ADCY8: variants seen among roughly 807,000 people sequenced by gnomAD.
ADCY8 encodes adenylate cyclase 8, also known as adenylate cyclase type 8.
A neutral mutation model predicts 119.7 loss-of-function variants in ADCY8; 51 were observed. The ratio of observed to expected loss-of-function variants is 0.43; its 90% CI spans 0.34 to 0.54. The LOEUF (loss-of-function observed/expected upper bound fraction) is 0.54, where lower values mean the gene tolerates loss of function less well. ADCY8 is among the 20% of genes least tolerant of loss of function. The probability of loss-of-function intolerance (pLI) is 0.03; values close to 1 mark genes in which losing one functional copy is unlikely to be tolerated. For missense variants in ADCY8, 1,383 were observed against 1,598.8 expected, an observed-to-expected ratio of 0.87 and a Z score of 2.30; for synonymous variants, 665 against 651.0, an observed-to-expected ratio of 1.02 and a Z score of -0.33.
intron 7 of ADCY8, among the ~76,000 whole-genome samples, chr8:130,898,392 T>C (rs2130508910): frequency 6.6e-6 from 1 of 152,356 alleles, no homozygotes; most frequent in African/African-American, 2.4e-5. Flanking sequence ...ATGAAGTGTG[T>C]TTGCTCTCCA....
intron 1 of ADCY8, among the ~76,000 whole-genome samples, chr8:131,037,856 CTTAT>C (rs1824211499): frequency 6.6e-6 from 1 of 152,108 alleles, no homozygotes; most frequent in Admixed American, 6.5e-5. Flanking sequence ...CAGATTGAGA[CTTAT>C]TTGTTATATG....
intron 15 of ADCY8, 152 bp downstream of exon 15, chr8:130,800,274 A>T: frequency 1.1e-6 from 1 of 876,906 alleles, no homozygotes; most frequent in Non-Finnish European, 1.8e-6. Context: ...AATTGTGATA[A>T]TTAAATCAGA....
chr8:130,820,660 A>G (rs751493971), intron 13 of ADCY8, among the ~76,000 whole-genome samples: 30 of 152,128 alleles, frequency 2.0e-4, no homozygotes, highest in Non-Finnish European at 4.1e-4. Context: ...ACTCCAGGAG[A>G]CTGGACCAGA....
chr8:130,847,539 G>C lies in ADCY8; in HGVS notation c.2413-26C>G, dbSNP rs753557994. ...CTGCGGATTAAAAAAAAAAAAAAAAGAACAACAAAAACAAAAACAGGAACA... is the reference window on the plus strand; with the variant it reads ...CTGCGGATTAAAAAAAAAAAAAAAACAACAACAAAAACAAAAACAGGAACA... On this transcript the variant is annotated intron_variant, in intron 10 of 17. Coordinates refer to ENST00000286355, the MANE Select transcript of ADCY8 (RefSeq NM_001115.3). 78 of 1,211,334 alleles carry C rather than the reference G, an allele frequency of 6.4e-5. No homozygotes were observed. The South Asian group carries it at 8.8e-4, about 14-fold the overall frequency. The allele number at this position is 1,211,334 out of a possible 1,614,324, so 75.0% of individuals were successfully genotyped here. A position where few individuals can be genotyped will look rare whatever the true frequency, so the allele number is the denominator to read the frequency against.
intron 2 of ADCY8, among the ~76,000 whole-genome samples, chr8:130,959,240 T>C (rs1177055278): frequency 1.3e-5 from 2 of 152,254 alleles, no homozygotes; most frequent in Non-Finnish European, 2.9e-5. Flanking sequence ...AACTGTCTTA[T>C]GGAAGACATT....
intron 2 of ADCY8, among the ~76,000 whole-genome samples, chr8:130,965,182 A>G (rs1024731367): frequency 6.6e-6 from 1 of 152,176 alleles, no homozygotes; most frequent in Admixed American, 6.5e-5. Context: ...CTTTAGTTTA[A>G]TTAGGTCCCA....
chr8:130,781,894 C>T (rs1815090959), intron 17 of ADCY8, among the ~76,000 whole-genome samples: 1 of 152,056 alleles, frequency 6.6e-6, no homozygotes, highest in Non-Finnish European at 1.5e-5. Flanking sequence ...TTGCTATGAG[C>T]CAGGTACAGT....
intron 12 of ADCY8, among the ~76,000 whole-genome samples, chr8:130,833,163 G>A (rs1364590023): frequency 6.6e-6 from 1 of 152,144 alleles, no homozygotes; most frequent in Non-Finnish European, 1.5e-5. Flanking sequence ...TTGGAATATG[G>A]TGGAATGTTA....
chr8:130,780,899 CAAG>C (rs1230935901), intron 17 of ADCY8, 22 bp from the exon 18 acceptor site: 7 of 1,609,052 alleles, frequency 4.4e-6, no homozygotes, highest in Non-Finnish European at 5.9e-6. Flanking sequence ...AGCAAAGGAG[CAAG>C]AAGTCAGAGG....
intron 7 of ADCY8, among the ~76,000 whole-genome samples, chr8:130,898,868 C>T (rs78462082): frequency 1.1e-4 from 16 of 152,092 alleles, no homozygotes; most frequent in Admixed American, 2.0e-4. Flanking sequence ...ACTCTTGTCC[C>T]GACAGTCCAT....
chr8:130,844,923 G>A (rs767837500), intron 11 of ADCY8, among the ~76,000 whole-genome samples: 1 of 152,120 alleles, frequency 6.6e-6, no homozygotes, highest in Non-Finnish European at 1.5e-5. Context: ...ACAGTGGTTC[G>A]GGTATGTACA....
intron 11 of ADCY8, among the ~76,000 whole-genome samples, chr8:130,845,782 A>G (rs1466304133): frequency 6.6e-6 from 1 of 152,158 alleles, no homozygotes; most frequent in African/African-American, 2.4e-5. Flanking sequence ...CAGGGAAGAT[A>G]AAGAATAAGG....
At chr8:130,984,568 G>T (rs995923148) in intron 2 of ADCY8, among the ~76,000 whole-genome samples, 2 of 152,058 alleles carry the variant, frequency 1.3e-5, no homozygotes, top group Non-Finnish European at 2.9e-5. Flanking sequence ...TAAGGTGAGT[G>T]ACTACAGGTG....
At chr8:130,958,774 G>A (rs867848471) in intron 2 of ADCY8, among the ~76,000 whole-genome samples, 2 of 151,972 alleles carry the variant, frequency 1.3e-5, no homozygotes, top group East Asian at 1.9e-4. Flanking sequence ...AGATTTGGGT[G>A]GGGAAACAGC....
chr8:130,840,566 T>A (rs1817108007), intron 11 of ADCY8, among the ~76,000 whole-genome samples: 1 of 152,170 alleles, frequency 6.6e-6, no homozygotes, highest in South Asian at 2.1e-4. Flanking sequence ...GAAAGCAGGG[T>A]GTAAAATTAT....
At chr8:131,020,523 G>A (rs1823631872) in intron 1 of ADCY8, among the ~76,000 whole-genome samples, 1 of 152,196 alleles carries the variant, frequency 6.6e-6, no homozygotes, top group Non-Finnish European at 1.5e-5. Context: ...CCAGGAGGAG[G>A]ACAAAGTTAG....
At chr8:130,855,515 G>A (rs942511698) in intron 9 of ADCY8, among the ~76,000 whole-genome samples, 1 of 152,016 alleles carries the variant, frequency 6.6e-6, no homozygotes, top group Non-Finnish European at 1.5e-5. Context: ...TGCTGGGTGA[G>A]GGTCCAGGTC....
At chr8:130,902,143 G>T (rs1563721059) in intron 7 of ADCY8, among the ~76,000 whole-genome samples, 3 of 152,020 alleles carry the variant, frequency 2.0e-5, no homozygotes, top group Non-Finnish European at 4.4e-5. Flanking sequence ...CAAAAATAAA[G>T]ACAAAACAAA....
chr8:130,983,496 G>A (rs959016600), intron 2 of ADCY8, among the ~76,000 whole-genome samples: 3 of 152,122 alleles, frequency 2.0e-5, no homozygotes, highest in African/African-American at 7.2e-5. Context: ...AGACAGATAG[G>A]GAACGACCAG....
Sources: allele counts gnomAD v4.1 joint callset (sites outside exome capture counted in the v4.1 genomes callset), GRCh38; gene constraint gnomAD v4.1.1; transcripts MANE v1.5; gene names NCBI Gene and HGNC (gene_info 2026-07-23, HGNC 2026-07-21).